The following IGSF11 variants were observed in gnomAD, a reference collection of about 807,000 sequenced individuals.
IGSF11 encodes the protein CXADR like 1.
A neutral mutation model predicts 41.0 loss-of-function variants in IGSF11; 22 were observed. The observed-to-expected ratio is 0.54, with a 90% confidence interval of 0.38 to 0.77. The LOEUF (loss-of-function observed/expected upper bound fraction) is 0.77, where lower values mean the gene tolerates loss of function less well. Ranked by LOEUF, IGSF11 falls within the 30% of genes least tolerant of loss-of-function variation. IGSF11 has a pLI of 0.00. For synonymous variants in IGSF11, 219 were observed against 201.3 expected (o/e 1.09, Z -0.74); for missense variants, 444 against 530.8 (o/e 0.84, Z 1.61).
At chr3:118,999,391 A>G (rs987777622) in intron 1 of IGSF11, among the ~76,000 whole-genome samples, 3 of 152,204 alleles carry the variant, frequency 2.0e-5, no homozygotes, top group Non-Finnish European at 4.4e-5. Context: ...AGAAACTGCT[A>G]TAATTATGTC....
At chr3:119,049,631 A>T (rs932781753) in intron 1 of IGSF11, among the ~76,000 whole-genome samples, 3 of 152,156 alleles carry the variant, frequency 2.0e-5, no homozygotes, top group African/African-American at 7.2e-5. Flanking sequence ...CTTTCTTCAC[A>T]GAATTGGAAA....
At chr3:118,960,815 C>T (rs1257097906) in intron 1 of IGSF11, among the ~76,000 whole-genome samples, 1 of 152,136 alleles carries the variant, frequency 6.6e-6, no homozygotes, top group African/African-American at 2.4e-5. Context: ...ACTTTTGAAA[C>T]ATTCAACTGT....
At chr3:119,034,883 C>T (rs571909220), upstream of IGSF11, 14 of 1,132,064 alleles carry the variant, frequency 1.2e-5, no homozygotes, top group African/African-American at 4.8e-5. Flanking sequence ...GCCACTCCCC[C>T]CAACTCACGC....
intron 1 of IGSF11, among the ~76,000 whole-genome samples, chr3:119,072,072 A>T (rs1480311520): frequency 6.6e-6 from 1 of 152,244 alleles, no homozygotes; most frequent in Non-Finnish European, 1.5e-5. Context: ...CCAAGAAAAG[A>T]AAAGTTGCCT....
intron 1 of IGSF11, among the ~76,000 whole-genome samples, chr3:119,130,280 G>C (rs1055647459): frequency 1.3e-5 from 2 of 152,188 alleles, no homozygotes; most frequent in African/African-American, 4.8e-5. Flanking sequence ...AGTGCAAAGG[G>C]TTGGGAGATT....
intron 1 of IGSF11, among the ~76,000 whole-genome samples, chr3:118,968,041 C>T (rs1001341832): frequency 7.9e-5 from 12 of 152,142 alleles, no homozygotes; most frequent in Non-Finnish European, 1.3e-4. Flanking sequence ...GGGTGACTTA[C>T]AAGTAGGGTA....
chr3:119,119,063 T>A (rs2077297959), intron 1 of IGSF11, among the ~76,000 whole-genome samples: 1 of 152,242 alleles, frequency 6.6e-6, no homozygotes, highest in African/African-American at 2.4e-5. Flanking sequence ...CACATTTTCC[T>A]GTCTTCTTCT....
intron 1 of IGSF11, among the ~76,000 whole-genome samples, chr3:119,024,733 A>G (rs938294576): frequency 2.6e-5 from 4 of 152,170 alleles, no homozygotes; most frequent in Admixed American, 1.3e-4. Context: ...TAAAATGTCT[A>G]TATTTATCAC....
intron 1 of IGSF11, among the ~76,000 whole-genome samples, chr3:119,014,039 C>T (rs992668067): frequency 2.6e-5 from 4 of 152,208 alleles, no homozygotes; most frequent in African/African-American, 7.2e-5. Flanking sequence ...AGAAACCCAG[C>T]AGTGGAAGCT....
At chr3:119,107,626 C>A (rs1432219673), upstream of IGSF11, among the ~76,000 whole-genome samples, 1 of 152,002 alleles carries the variant, frequency 6.6e-6, no homozygotes, top group Admixed American at 6.6e-5. Context: ...CTTTTGTTGC[C>A]ATTGCTTTTG....
upstream of IGSF11, among the ~76,000 whole-genome samples, chr3:119,107,750 G>C (rs1054665983): frequency 3.9e-5 from 6 of 152,118 alleles, no homozygotes; most frequent in African/African-American, 1.4e-4. Context: ...AATCCACCTT[G>C]AATTAATTTT....
intron 4 of IGSF11, among the ~76,000 whole-genome samples, chr3:118,920,151 C>A: frequency 6.9e-6 from 1 of 145,504 alleles, no homozygotes; most frequent in African/African-American, 2.5e-5. Context: ...GGGAGATATA[C>A]CTAAGGCTAG....
chr3:119,135,196 G>A (rs1046601497), intron 1 of IGSF11, among the ~76,000 whole-genome samples: 3 of 152,172 alleles, frequency 2.0e-5, no homozygotes, highest in Non-Finnish European at 4.4e-5. Flanking sequence ...GGCAACAAAA[G>A]CCAAAATTGA....
In IGSF11 at chr3:118,911,491, G is replaced by A. The variant is rs1318176573; in HGVS notation, c.581-5773C>T. ...AGCACTTTGGGAGGCCGACGCATTT[G>A]AGACCAGCTTGGTCAACATAGCAAG... On this transcript the variant is annotated intron_variant, in intron 4 of 6. Transcript: ENST00000393775. 2.6e-5 allele frequency among the ~76,000 whole-genome samples: 4 copies of A among 152,136 alleles called. No homozygotes were observed. In the South Asian group the frequency reaches 8.3e-4, roughly 32 times the overall value.
chr3:119,079,943 T>C (rs769832831), intron 1 of IGSF11, among the ~76,000 whole-genome samples: 6 of 152,162 alleles, frequency 3.9e-5, no homozygotes, highest in Non-Finnish European at 5.9e-5. Context: ...CTACGCTCAC[T>C]ACCTGGGTAA....
At chr3:119,110,997 G>A (rs1454428473) in intron 1 of IGSF11, among the ~76,000 whole-genome samples, 3 of 151,666 alleles carry the variant, frequency 2.0e-5, no homozygotes, top group Non-Finnish European at 2.9e-5. Flanking sequence ...TGGGTAACCC[G>A]ACCTTTTTCT....
chr3:118,958,826 GACAA>G (rs1005406476), intron 1 of IGSF11, among the ~76,000 whole-genome samples: 5 of 152,144 alleles, frequency 3.3e-5, no homozygotes, highest in African/African-American at 2.4e-5. Context: ...CAGAAGTATA[GACAA>G]ACAGAGAACA....
chr3:118,941,462 G>A (rs191058550), intron 1 of IGSF11, among the ~76,000 whole-genome samples: 4 of 152,164 alleles, frequency 2.6e-5, no homozygotes, highest in East Asian at 1.9e-4. Context: ...ATATTAACAC[G>A]ACAATGCTAA....
chr3:119,075,558 G>T (rs918957405), intron 1 of IGSF11, among the ~76,000 whole-genome samples: 1 of 151,960 alleles, frequency 6.6e-6, no homozygotes, highest in Non-Finnish European at 1.5e-5. Context: ...CCTCATAAAC[G>T]TAGATGCAAA....
Sources: allele counts gnomAD v4.1 joint callset (sites outside exome capture counted in the v4.1 genomes callset), GRCh38; gene constraint gnomAD v4.1.1; transcripts MANE v1.5; gene names NCBI Gene and HGNC (gene_info 2026-07-23, HGNC 2026-07-21).